RGS12: variants seen among roughly 807,000 people sequenced by gnomAD.
RGS12 encodes regulator of G protein signaling 12.
Under a neutral mutation model 120.1 loss-of-function variants are expected in RGS12, and 66 were observed. The observed-to-expected ratio is 0.55, with a 90% confidence interval of 0.45 to 0.67. The LOEUF is 0.67. RGS12 is among the 30% of genes least tolerant of loss of function. The pLI is 0.00. For missense variants in RGS12, 1,859 were observed against 1,957.7 expected (o/e 0.95, Z 0.95); for synonymous variants, 827 against 804.7 (o/e 1.03, Z -0.47).
intron 9 of RGS12, among the ~76,000 whole-genome samples, chr4:3,419,757 G>C (rs998739158): frequency 6.6e-6 from 1 of 152,162 alleles, no homozygotes; most frequent in Non-Finnish European, 1.5e-5. Flanking sequence ...GGAGTTGGAG[G>C]CTGCAGTGAG....
At chr4:3,417,661 C>T (rs557538245) in intron 9 of RGS12, 120 bp downstream of exon 9, 15 of 1,075,572 alleles carry the variant, frequency 1.4e-5, no homozygotes, top group Non-Finnish European at 1.7e-5. Context: ...GCCCTGTTGG[C>T]GGGTCGAGGA....
intron 3 of RGS12, among the ~76,000 whole-genome samples, chr4:3,370,627 C>T (rs148499294): frequency 3.3e-5 from 5 of 152,308 alleles, no homozygotes; most frequent in East Asian, 3.9e-4. Flanking sequence ...TTTCCTTTAC[C>T]GTGGTAATTC....
In RGS12 at chr4:3,318,069, C is replaced by A; in HGVS notation, c.1881+18C>A. The stretch of plus-strand genomic sequence containing the variant: ...ATAAAAAGGTAAGCCTGCCAGGAGC[C>A]ACTCAGCGCGGAGGCCCGGCCTCCT... On this transcript the variant is annotated intron_variant, in intron 2 of 17. Transcript: ENST00000336727. 1 of 1,485,792 alleles carries A rather than the reference C, an allele frequency of 6.7e-7. No individual in the cohort carries two copies. Among genetic ancestry groups the A allele is most frequent in the South Asian group, 1.3e-5 (1 of 76,410 alleles). 92.0% of individuals were successfully genotyped at this position (1,485,792 alleles called of 1,614,324 possible).
chr4:3,328,099 G>A (rs1194748645), intron 2 of RGS12, among the ~76,000 whole-genome samples: 1 of 152,224 alleles, frequency 6.6e-6, no homozygotes, highest in Non-Finnish European at 1.5e-5. Context: ...CCACATGGAT[G>A]GAATTGGAAG....
chr4:3,341,834 G>A (rs1371325319), intron 2 of RGS12, among the ~76,000 whole-genome samples: 1 of 144,536 alleles, frequency 6.9e-6, no homozygotes, highest in Non-Finnish European at 1.5e-5. Flanking sequence ...GAGGATGGAG[G>A]TGTGGGCGGA....
intron 3 of RGS12, among the ~76,000 whole-genome samples, chr4:3,348,258 A>C (rs745769262): frequency 2.6e-5 from 4 of 152,244 alleles, no homozygotes; most frequent in African/African-American, 4.8e-5. Context: ...CAGAAGCAAC[A>C]CAGGGAGTTC....
chr4:3,438,793 C>T (rs946325332), intron 17 of RGS12, among the ~76,000 whole-genome samples: 2 of 151,936 alleles, frequency 1.3e-5, no homozygotes, highest in Non-Finnish European at 2.9e-5. Flanking sequence ...GCATTGGAGC[C>T]AGAAGTGGGG....
intron 4 of RGS12, among the ~76,000 whole-genome samples, chr4:3,388,558 C>A (rs570456663): frequency 6.6e-6 from 1 of 152,262 alleles, no homozygotes; most frequent in Non-Finnish European, 1.5e-5. Flanking sequence ...GGCTGAGAGG[C>A]CCCTCCACCC....
chr4:3,428,011 G>T, intron 14 of RGS12, 79 bp from the exon 15 acceptor site: 1 of 1,348,458 alleles, frequency 7.4e-7, no homozygotes, highest in South Asian at 1.2e-5. Context: ...TGCTCTCAGA[G>T]ACAGTAGGAG....
intron 3 of RGS12, among the ~76,000 whole-genome samples, chr4:3,369,262 G>A (rs373381632): frequency 6.6e-6 from 1 of 152,210 alleles, no homozygotes; most frequent in African/African-American, 2.4e-5. Context: ...GAGCTGCTGC[G>A]CATTCTGCAA....
chr4:3,335,315 G>A (rs1278284068), intron 2 of RGS12, among the ~76,000 whole-genome samples: 12 of 152,148 alleles, frequency 7.9e-5, no homozygotes, highest in African/African-American at 2.9e-4. Flanking sequence ...CTAGTTTTAT[G>A]TTTGAAATGG....
At chr4:3,347,447 AAAAG>A (rs1288610194) in intron 3 of RGS12, among the ~76,000 whole-genome samples, 3 of 152,244 alleles carry the variant, frequency 2.0e-5, no homozygotes, top group African/African-American at 4.8e-5. Flanking sequence ...CTGTCTCAAA[AAAAG>A]AAAGAAAGAA....
chr4:3,363,665 A>G (rs1715971217), intron 3 of RGS12, among the ~76,000 whole-genome samples: 1 of 151,798 alleles, frequency 6.6e-6, no homozygotes, highest in Admixed American at 6.6e-5. Context: ...TGCGGGAGTG[A>G]GGCGGCAGCG....
chr4:3,367,646 C>T (rs952730574), intron 3 of RGS12, among the ~76,000 whole-genome samples: 10 of 152,270 alleles, frequency 6.6e-5, no homozygotes, highest in African/African-American at 1.2e-4. Flanking sequence ...CCCCAGGGCA[C>T]TTGCTGCTGG....
At chr4:3,319,155 C>T (rs115304640) in intron 2 of RGS12, among the ~76,000 whole-genome samples, 2,779 of 152,188 alleles carry the variant, frequency 0.018, 69 homozygotes, top group African/African-American at 0.06. Context: ...AGCCGGCTGC[C>T]GTGGCACACG....
chr4:3,300,521 A>G (rs1723625769), intron 1 of RGS12, among the ~76,000 whole-genome samples: 1 of 152,058 alleles, frequency 6.6e-6, no homozygotes. Context: ...GCCTGCTGGC[A>G]CAAATTATCA....
chr4:3,310,646 G>A (rs889878633), intron 1 of RGS12, among the ~76,000 whole-genome samples: 32 of 152,232 alleles, frequency 2.1e-4, no homozygotes, highest in African/African-American at 6.3e-4. Flanking sequence ...TGCATGGGGC[G>A]GGTATCAGAT....
chr4:3,306,340 A>G (rs777261879), intron 1 of RGS12, among the ~76,000 whole-genome samples: 147 of 152,334 alleles, frequency 9.6e-4, no homozygotes, highest in Non-Finnish European at 1.5e-3. Flanking sequence ...AGGTGCGATG[A>G]CGATGACATG....
intron 2 of RGS12, among the ~76,000 whole-genome samples, chr4:3,333,073 C>T (rs1267705132): frequency 4.7e-5 from 6 of 126,584 alleles, no homozygotes; most frequent in South Asian, 5.1e-4. Context: ...TTTTTTGAGA[C>T]GGAGTCTCAC....
Sources: allele counts gnomAD v4.1 joint callset (sites outside exome capture counted in the v4.1 genomes callset), GRCh38; gene constraint gnomAD v4.1.1; transcripts MANE v1.5; gene names NCBI Gene and HGNC (gene_info 2026-07-23, HGNC 2026-07-21).